Variants in ZMAT4 observed in about 807,000 individuals in gnomAD.
The protein encoded by ZMAT4 is zinc finger matrin-type protein 4.
In ZMAT4, 17 loss-of-function variants were observed where a neutral mutation model predicts 28.7. The ratio of observed to expected loss-of-function variants is 0.59; its 90% CI spans 0.41 to 0.89. The LOEUF (loss-of-function observed/expected upper bound fraction) is 0.89. ZMAT4 is among the 40% of genes least tolerant of loss of function. The pLI is 0.00. For synonymous variants in ZMAT4, 117 were observed against 109.2 expected, an observed-to-expected ratio of 1.07 and a Z score of -0.44; for missense variants, 240 against 283.8, an observed-to-expected ratio of 0.85 and a Z score of 1.11.
rs576594077 is a variant in ZMAT4 at position 40,868,287 on chromosome 8, C to A, written c.-5+29396G>T. 2.6e-5 allele frequency among the ~76,000 whole-genome samples: 4 copies of A among 152,178 alleles called. No individual in the cohort carries two copies. The East Asian group carries it at 7.7e-4, about 29-fold the overall frequency. ...GGATATCAGGAGACAGAGTGCTGTGCGGGCCACAGCAGCTTGGAAACCTAC... is the reference window on the plus strand; with the variant it reads ...GGATATCAGGAGACAGAGTGCTGTGAGGGCCACAGCAGCTTGGAAACCTAC... On this transcript the variant is annotated intron_variant, in intron 1 of 6. Coordinates refer to ENST00000297737, the MANE Select transcript of ZMAT4 (RefSeq NM_024645.3).
At chr8:40,623,600 C>T (rs2118699157) in intron 5 of ZMAT4, among the ~76,000 whole-genome samples, 1 of 152,292 alleles carries the variant, frequency 6.6e-6, no homozygotes, top group Admixed American at 6.5e-5. Context: ...ACCTCCAAGT[C>T]TGTCTTGCCT....
intron 3 of ZMAT4, among the ~76,000 whole-genome samples, chr8:40,721,114 G>T (rs1811070347): frequency 7.6e-6 from 1 of 131,874 alleles, no homozygotes; most frequent in African/African-American, 2.9e-5. Context: ...ATCTCCCAAT[G>T]CTATCCCTCC....
At chr8:40,565,726 T>G (rs926697042) in intron 6 of ZMAT4, among the ~76,000 whole-genome samples, 1 of 151,232 alleles carries the variant, frequency 6.6e-6, no homozygotes, top group Non-Finnish European at 1.5e-5. Flanking sequence ...ATCCTAAGCC[T>G]GCCTTCTTTC....
intron 1 of ZMAT4, among the ~76,000 whole-genome samples, chr8:40,872,305 C>G (rs550565242): frequency 6.6e-6 from 1 of 152,330 alleles, no homozygotes; most frequent in South Asian, 2.1e-4. Flanking sequence ...CACAGAGCAC[C>G]ACCAAAAGCT....
chr8:40,559,885 G>GA (rs1382539185), intron 6 of ZMAT4, among the ~76,000 whole-genome samples: 5 of 151,994 alleles, frequency 3.3e-5, no homozygotes, highest in Non-Finnish European at 5.9e-5. Context: ...TATGTTAATA[G>GA]AAAAAAATAG....
intron 1 of ZMAT4, among the ~76,000 whole-genome samples, chr8:40,895,772 A>G (rs1342685140): frequency 1.3e-5 from 2 of 152,170 alleles, no homozygotes; most frequent in Non-Finnish European, 2.9e-5. Context: ...CAATCCTCAA[A>G]CTCAAAAGCA....
intron 3 of ZMAT4, among the ~76,000 whole-genome samples, chr8:40,698,389 G>T (rs568330301): frequency 6.6e-6 from 1 of 152,272 alleles, no homozygotes; most frequent in East Asian, 1.9e-4. Flanking sequence ...GTAATCCATT[G>T]CTTCCCCTCC....
chr8:40,601,356 C>G (rs1211987530), intron 5 of ZMAT4, among the ~76,000 whole-genome samples: 1 of 134,446 alleles, frequency 7.4e-6, no homozygotes, highest in Non-Finnish European at 1.5e-5. Flanking sequence ...TCAAAGTTCA[C>G]AGGTAAAGAG....
At chr8:40,610,937 ATT>A (rs56980207) in intron 5 of ZMAT4, among the ~76,000 whole-genome samples, 1,479 of 146,532 alleles carry the variant, frequency 0.01, 9 homozygotes, top group Non-Finnish European at 0.015. Context: ...GCCCTTTTGC[ATT>A]TTTTTTTTTT....
chr8:40,747,042 C>G lies in ZMAT4; in HGVS notation c.192+20599G>C, dbSNP rs564702071. Reference sequence around the variant, plus strand: ...TCCATAGCACTTATGAGAGCTGCCACTTTCAATGGAGGGCAGGGACCCTTC... The same window carrying G: ...TCCATAGCACTTATGAGAGCTGCCAGTTTCAATGGAGGGCAGGGACCCTTC... On this transcript the variant is annotated intron_variant, in intron 3 of 6. Transcript: ENST00000297737. 3.3e-5 allele frequency among the ~76,000 whole-genome samples: 5 copies of G among 152,318 alleles called. No homozygotes were observed. The South Asian group carries it at 1.0e-3, about 32-fold the overall frequency.
intron 5 of ZMAT4, among the ~76,000 whole-genome samples, chr8:40,596,881 A>G (rs764041239): frequency 3.9e-5 from 6 of 152,184 alleles, no homozygotes; most frequent in Non-Finnish European, 7.4e-5. Context: ...TAGGCACAGC[A>G]TAGGGCAGTG....
At chr8:40,881,075 T>C (rs976817840) in intron 1 of ZMAT4, among the ~76,000 whole-genome samples, 1 of 152,146 alleles carries the variant, frequency 6.6e-6, no homozygotes, top group East Asian at 1.9e-4. Flanking sequence ...TAAGCCTTGA[T>C]TGAAAAATAC....
intron 1 of ZMAT4, among the ~76,000 whole-genome samples, chr8:40,855,140 A>G (rs1817251593): frequency 6.6e-6 from 1 of 152,204 alleles, no homozygotes; most frequent in African/African-American, 2.4e-5. Flanking sequence ...AAATGACACT[A>G]GACTTCAAAA....
chr8:40,847,387 TG>T (rs1188000407), intron 1 of ZMAT4, among the ~76,000 whole-genome samples: 1 of 152,126 alleles, frequency 6.6e-6, no homozygotes, highest in Non-Finnish European at 1.5e-5. Context: ...CAAACCACAA[TG>T]TCTACATGAT....
At chr8:40,788,658 A>C (rs2150577038) in intron 2 of ZMAT4, among the ~76,000 whole-genome samples, 1 of 152,252 alleles carries the variant, frequency 6.6e-6, no homozygotes, top group South Asian at 2.1e-4. Flanking sequence ...CATTAACAAA[A>C]AAAACACCAA....
intron 3 of ZMAT4, among the ~76,000 whole-genome samples, chr8:40,760,401 G>A (rs1242079409): frequency 2.0e-5 from 3 of 151,986 alleles, no homozygotes; most frequent in South Asian, 4.1e-4. Flanking sequence ...CTCAGGAACC[G>A]AGCCCCTCCT....
At chr8:40,548,040 T>A (rs1383551118) in intron 6 of ZMAT4, among the ~76,000 whole-genome samples, 2 of 152,074 alleles carry the variant, frequency 1.3e-5, no homozygotes, top group Admixed American at 1.3e-4. Flanking sequence ...AGTGCAAAGC[T>A]CTGAAGCCAG....
intron 5 of ZMAT4, among the ~76,000 whole-genome samples, chr8:40,632,287 G>A (rs1806618965): frequency 6.6e-6 from 1 of 152,168 alleles, no homozygotes. Flanking sequence ...TTTTTAAAAA[G>A]GGGAATAATC....
chr8:40,623,036 C>T (rs1585772997), intron 5 of ZMAT4, among the ~76,000 whole-genome samples: 1 of 152,286 alleles, frequency 6.6e-6, no homozygotes, highest in South Asian at 2.1e-4. Context: ...TCCTCCATGT[C>T]AGAGTCTGTA....
Sources: gnomAD v4.1 joint callset for allele counts (sites outside exome capture counted in the v4.1 genomes callset) on GRCh38, gnomAD v4.1.1 for gene constraint, MANE v1.5 for transcripts, NCBI Gene and HGNC (gene_info 2026-07-23, HGNC 2026-07-21) for gene names.